Variants in ZEB2 observed in about 807,000 individuals in gnomAD.
ZEB2 encodes zinc finger E-box binding homeobox 2.
In ZEB2, 6 loss-of-function variants were observed where a neutral mutation model predicts 99.9. The observed-to-expected ratio is 0.06, with a 90% confidence interval of 0.03 to 0.12. The LOEUF is 0.12. Among genes scored for constraint, ZEB2 ranks in the 10% least tolerant of loss-of-function variants. The probability of loss-of-function intolerance (pLI) is 1.00; values close to 1 mark genes in which losing one functional copy is unlikely to be tolerated. For missense variants in ZEB2, 969 were observed against 1,502.8 expected (o/e 0.64, Z 5.87); for synonymous variants, 517 against 542.5 (o/e 0.95, Z 0.65).
intron 2 of ZEB2, among the ~76,000 whole-genome samples, chr2:144,445,265 C>CTTTTTTTT (rs11287771): frequency 1.3e-5 from 1 of 74,190 alleles, no homozygotes; most frequent in Non-Finnish European, 2.7e-5. Flanking sequence ...CTTTCCTCCT[C>CTTTTTTTT]TTTTTTTTTT....
At chr2:144,517,809 T>C in intron 1 of ZEB2, 1 of 632,592 alleles carries the variant, frequency 1.6e-6, no homozygotes, top group Admixed American at 2.5e-5. Flanking sequence ...GGTTTTCTTT[T>C]CGTTCTCATC....
chr2:144,410,931 T>C (rs1048138696), intron 4 of ZEB2, among the ~76,000 whole-genome samples: 3 of 151,112 alleles, frequency 2.0e-5, no homozygotes, highest in African/African-American at 7.3e-5. Context: ...GTTTATTGAG[T>C]GCCTACTAGT....
chr2:144,398,224 T>G lies in ZEB2; in HGVS notation c.2886+77A>C. ...TTCTGCTGAGTTTTTTCACTAAGAT[T>G]TTTTTTTCCTACATGCACATAATCA... On this transcript the variant is annotated intron_variant, in intron 8 of 9. Transcript: ENST00000627532. The G allele has an allele frequency of 7.0e-6, 11 of 1,577,156 alleles. No individual in the cohort carries two copies. The South Asian group carries it at 1.3e-4, about 18-fold the overall frequency.
chr2:144,414,428 G>A (rs1703508425), intron 4 of ZEB2, among the ~76,000 whole-genome samples: 1 of 152,148 alleles, frequency 6.6e-6, no homozygotes, highest in Admixed American at 6.5e-5. Flanking sequence ...GTGCGACTGT[G>A]CAGGTCCCAG....
chr2:144,467,440 A>G (rs1210449975), intron 2 of ZEB2, among the ~76,000 whole-genome samples: 1 of 152,168 alleles, frequency 6.6e-6, no homozygotes, highest in Non-Finnish European at 1.5e-5. Flanking sequence ...GTGGGGAGAC[A>G]TAGAGCCTTT....
rs1042267044 is a variant in ZEB2 at position 144,439,000 on chromosome 2, T to C, written c.74-8974A>G. Among the ~76,000 whole-genome samples, 57 of 152,030 alleles carry C rather than the reference T, an allele frequency of 3.7e-4. 1 individual carries two copies. The highest frequency in any genetic ancestry group is 1.4e-3 in the African/African-American group (56 of 41,460). On this transcript the variant is annotated intron_variant, in intron 2 of 9. Transcript: ENST00000627532. The stretch of plus-strand genomic sequence containing the variant: ...CAGAGTACAAAAGGAAGGGAGTCAG[T>C]GATGTGTAAACCAAACAATGTGAGG...
chr2:144,448,674 G>C (rs1432632082), intron 2 of ZEB2: 2 of 152,376 alleles, frequency 1.3e-5, no homozygotes, highest in African/African-American at 4.8e-5. Context: ...CGTGGGAATA[G>C]TCAAGGAAAG....
chr2:144,512,358 A>G, intron 2 of ZEB2: 1 of 1,287,258 alleles, frequency 7.8e-7, no homozygotes, highest in Non-Finnish European at 1.0e-6. Context: ...ATCTTAGAAT[A>G]AACGCGGCAC....
chr2:144,424,954 C>A (rs1414512948), intron 3 of ZEB2, 87 bp from the exon 4 acceptor site: 4 of 1,414,556 alleles, frequency 2.8e-6, no homozygotes, highest in Non-Finnish European at 4.0e-6. Context: ...AAGGAAGATT[C>A]TTTTAAAGGA....
intron 4 of ZEB2, among the ~76,000 whole-genome samples, chr2:144,419,223 A>G (rs897986242): frequency 3.3e-5 from 5 of 152,186 alleles, no homozygotes; most frequent in African/African-American, 9.6e-5. Context: ...ATGTGAAATA[A>G]TTTATGTATT....
chr2:144,451,068 G>A (rs1258184806), intron 2 of ZEB2, among the ~76,000 whole-genome samples: 1 of 152,132 alleles, frequency 6.6e-6, no homozygotes, highest in African/African-American at 2.4e-5. Context: ...GAGAGTGGGG[G>A]AGTCATAAAA....
At chr2:144,398,245 A>G (rs762968386) in intron 8 of ZEB2, 56 bp downstream of exon 8, 1 of 1,605,468 alleles carries the variant, frequency 6.2e-7, no homozygotes, top group Admixed American at 1.7e-5. Context: ...ACATGCACAT[A>G]ATCAAAATAA....
chr2:144,407,004 T>C (rs1016422342), intron 4 of ZEB2, among the ~76,000 whole-genome samples: 1 of 152,218 alleles, frequency 6.6e-6, no homozygotes, highest in Non-Finnish European at 1.5e-5. Context: ...GATGCTAAGG[T>C]ACCTCCCTCA....
Position 144,512,386 on chromosome 2 carries a change from G to A in ZEB2, c.73+4892C>T, listed in dbSNP as rs763312939. Reference sequence around the variant, plus strand: ...CGCGGCACTGCTAGAGGCTAGCAACGCCCTCCTTTCCTACCTTCAGGGTAG... The same window carrying A: ...CGCGGCACTGCTAGAGGCTAGCAACACCCTCCTTTCCTACCTTCAGGGTAG... On this transcript the variant is annotated intron_variant, in intron 2 of 9. Transcript: ENST00000627532. 1.3e-5 allele frequency: 17 copies of A among 1,287,076 alleles called. 1 individual carries two copies. The highest frequency in any genetic ancestry group is 1.1e-4 in the East Asian group (2 of 18,026). 79.7% of individuals were successfully genotyped at this position (1,287,076 alleles called of 1,614,324 possible).
At chr2:144,507,817 G>A (rs1386689686) in intron 2 of ZEB2, among the ~76,000 whole-genome samples, 1 of 152,182 alleles carries the variant, frequency 6.6e-6, no homozygotes, top group Non-Finnish European at 1.5e-5. Context: ...TACTGTTGCT[G>A]AGGGGAGACA....
At chr2:144,456,339 A>AG (rs1704121600) in intron 2 of ZEB2, among the ~76,000 whole-genome samples, 1 of 152,100 alleles carries the variant, frequency 6.6e-6, no homozygotes, top group African/African-American at 2.4e-5. Flanking sequence ...GATATAAGGG[A>AG]CTCTTCCAGC....
intron 6 of ZEB2, among the ~76,000 whole-genome samples, chr2:144,402,973 C>G (rs777317613): frequency 7.2e-5 from 11 of 152,184 alleles, no homozygotes; most frequent in Non-Finnish European, 1.0e-4. Context: ...TAAGGAAAAC[C>G]TAAGAATTTT....
intron 4 of ZEB2, among the ~76,000 whole-genome samples, chr2:144,418,627 G>T (rs866893125): frequency 6.6e-6 from 1 of 151,972 alleles, no homozygotes; most frequent in Non-Finnish European, 1.5e-5. Flanking sequence ...GGCGGAGGTT[G>T]CAGTGAGCCG....
chr2:144,513,759 G>C, intron 2 of ZEB2: 1 of 1,536,016 alleles, frequency 6.5e-7, no homozygotes, highest in Non-Finnish European at 8.7e-7. Flanking sequence ...GCAGCAGCAG[G>C]GCATCTCCCG....
Sources: allele counts gnomAD v4.1 joint callset (sites outside exome capture counted in the v4.1 genomes callset), GRCh38; gene constraint gnomAD v4.1.1; transcripts MANE v1.5; gene names NCBI Gene and HGNC (gene_info 2026-07-23, HGNC 2026-07-21).